The following BRAT1 variants were observed in gnomAD, a reference collection of about 807,000 sequenced individuals.
The protein encoded by BRAT1 is BRCA1 associated ATM activator 1, also known as integrator complex assembly factor BRAT1.
In BRAT1, 74 loss-of-function variants were observed where a neutral mutation model predicts 70.6. The ratio of observed to expected loss-of-function variants is 1.05; its 90% CI spans 0.87 to 1.27. The LOEUF is 1.27. Ranked by LOEUF, BRAT1 falls within the 50% of genes most tolerant of loss-of-function variation. The probability of loss-of-function intolerance (pLI) is 0.00; values close to 1 mark genes in which losing one functional copy is unlikely to be tolerated. For synonymous variants in BRAT1, 615 were observed against 517.1 expected, an observed-to-expected ratio of 1.19 and a Z score of -2.57; for missense variants, 1,203 against 1,098.2, an observed-to-expected ratio of 1.10 and a Z score of -1.35.
rs753804645 is a variant in BRAT1 at position 2,544,875 on chromosome 7, G to A, written c.430+34C>T. On this transcript the variant is annotated intron_variant, in intron 4 of 13. Coordinates refer to ENST00000340611, the MANE Select transcript of BRAT1 (RefSeq NM_152743.4). ...GAATTCCCTGGGATCACACAGGCAG[G>A]ATGAGGAATGGGGTGGGGTGTGGGC... is the stretch of plus-strand genomic sequence containing the variant. The A allele has an allele frequency of 2.5e-5, 39 of 1,546,222 alleles. 1 individual carries two copies. In the Middle Eastern group the frequency reaches 5.4e-3, roughly 214 times the overall value.
rs1562568958 is a variant in BRAT1 at position 2,539,635 on chromosome 7, G to GAAC, written c.1503_1505dup (p.Leu501dup). ...GGCACAGGCGTTTCTGCAGCACAGG[G>GAAC]AACAGCTCTAGGGTGGGAAGGGACA... On this transcript the variant is annotated inframe_insertion, in exon 12 of 14. Coordinates refer to ENST00000340611, the MANE Select transcript of BRAT1 (RefSeq NM_152743.4). The GAAC allele has an allele frequency of 3.1e-6, 5 of 1,593,904 alleles. No homozygotes were observed. The South Asian group carries it at 5.7e-5, about 18-fold the overall frequency.
chr7:2,544,165 A>C (rs1054151517), intron 4 of BRAT1: 8 of 405,834 alleles, frequency 2.0e-5, no homozygotes, highest in Non-Finnish European at 3.5e-5. Flanking sequence ...AAACACACAC[A>C]GCTTGTGATG....
chr7:2,543,769 G>A lies in BRAT1; in HGVS notation c.624C>T (p.Ser208=), dbSNP rs369792998. The A allele has an allele frequency of 1.4e-5, 22 of 1,608,298 alleles. No individual in the cohort carries two copies. Among genetic ancestry groups the A allele is most frequent in the East Asian group, 4.5e-5 (2 of 44,728 alleles). The change falls in exon 5 of 14, where the codon TCC becomes TCT. Residue 208 remains serine (S), a synonymous_variant. Transcript: ENST00000340611. The surrounding 1 kb of genome is among the most constrained non-coding windows in gnomAD (Gnocchi z 5.5). ...CCTGAGTGACCTTGGGGGTGGCCGCGGAGCACAAGGACTCTTCAACGTGAT... is the reference window on the plus strand; with the variant it reads ...CCTGAGTGACCTTGGGGGTGGCCGCAGAGCACAAGGACTCTTCAACGTGAT... ...IMDHVEESLC[S]AATPKVTQAL... is the part of the protein sequence containing the mutation.
chr7:2,539,203 G>C lies in BRAT1; in HGVS notation c.1746C>G (p.Ser582Arg). Reference protein sequence around the residue: ...LSSQGLHAPTSPEHAEARQSL... With the variant: ...LSSQGLHAPTRPEHAEARQSL... ...CCTGCCGGGCCTCTGCATGCTCAGG[G>C]CTGGTGGGGGCGTGCAGGCCCTGGC... is the stretch of plus-strand genomic sequence containing the variant. Residue 582 changes from serine to arginine, a missense_variant, in exon 13 of 14, where the codon AGC becomes AGG. Ser to Arg is a moderately radical substitution (Grantham distance 110). Coordinates refer to ENST00000340611, the MANE Select transcript of BRAT1 (RefSeq NM_152743.4). 6.2e-7 allele frequency: 1 copy of C among 1,609,352 alleles called. No individual in the cohort carries two copies. The highest frequency in any genetic ancestry group is 8.5e-7 in the Non-Finnish European group (1 of 1,178,842).
At chr7:2,547,925 A>C (rs1299287258) in intron 2 of BRAT1, among the ~76,000 whole-genome samples, 1 of 152,104 alleles carries the variant, frequency 6.6e-6, no homozygotes. Flanking sequence ...TCTACTAAAA[A>C]TACAAAAAAT....
intron 1 of BRAT1, among the ~76,000 whole-genome samples, chr7:2,554,931 G>A (rs1405549533): frequency 6.6e-6 from 1 of 152,168 alleles, no homozygotes; most frequent in Non-Finnish European, 1.5e-5. Flanking sequence ...GCCAGCAGGG[G>A]GGTGCGGAGG....
intron 10 of BRAT1, 52 bp from the exon 11 acceptor site, chr7:2,539,940 G>A: frequency 1.5e-6 from 2 of 1,313,336 alleles, no homozygotes; most frequent in Non-Finnish European, 2.1e-6. Context: ...GGGGCAGGCT[G>A]TCTGTCTGTC....
At chr7:2,550,175 A>G (rs1055436635) in intron 2 of BRAT1, among the ~76,000 whole-genome samples, 3 of 63,344 alleles carry the variant, frequency 4.7e-5, no homozygotes, top group Non-Finnish European at 9.9e-5. Context: ...AAAAAAAAAG[A>G]AAAAAAAAAT....
At chr7:2,554,919 A>C (rs1372299660) in intron 1 of BRAT1, among the ~76,000 whole-genome samples, 1 of 151,716 alleles carries the variant, frequency 6.6e-6, no homozygotes, top group Non-Finnish European at 1.5e-5. Flanking sequence ...TGACGTCCTG[A>C]AGCCAGCAGG....
At chr7:2,552,855 A>T (rs954479256) in intron 2 of BRAT1, among the ~76,000 whole-genome samples, 1 of 150,900 alleles carries the variant, frequency 6.6e-6, no homozygotes, top group Non-Finnish European at 1.5e-5. Context: ...TCTCCTGCCC[A>T]GCCTCCCAAG....
chr7:2,540,954 T>C, intron 10 of BRAT1, 25 bp downstream of exon 10: 14 of 1,510,458 alleles, frequency 9.3e-6, no homozygotes, highest in African/African-American at 1.4e-5. Context: ...CCTCCTCTCC[T>C]CGCTCTCTAT....
Position 2,545,033 on chromosome 7 carries a change from G to T in BRAT1, c.306C>A (p.Leu102=). The T allele has an allele frequency of 6.6e-7, 1 of 1,519,140 alleles. No individual in the cohort carries two copies. Among genetic ancestry groups the T allele is most frequent in the Non-Finnish European group, 8.8e-7 (1 of 1,132,308 alleles). 94.1% of individuals were successfully genotyped at this position (1,519,140 alleles called of 1,614,324 possible). ...YLQQGELLPG[L]FGEPGPLGRA... is the part of the protein sequence containing the mutation. ...GGCCGAGGGGTCCTGGCTCCCCAAA[G>T]AGCCCTGGTAGTAACTCCCCCTGCT... The change falls in exon 4 of 14, where the codon CTC becomes CTA. Residue 102 remains leucine, a synonymous_variant. Transcript: ENST00000340611.
chr7:2,555,129 A>C (rs1048661672), intron 1 of BRAT1, among the ~76,000 whole-genome samples: 1 of 151,322 alleles, frequency 6.6e-6, no homozygotes, highest in African/African-American at 2.4e-5. Context: ...TGCGGAAAGG[A>C]AGGGGCGCCT....
rs148297849 is a variant in BRAT1, at chr7:2,538,674, G to A, written c.1861C>T (p.Arg621Trp). ...TGGGCCGCGTCGGCGTGGCCGTCCC[G>A]CAGCCACTCAGTGAAGACTTGCATG... ...AVMQVFTEWL[R>W]DGHADAAQDT... Residue 621 changes from arginine (R) to tryptophan (W), a missense_variant, in exon 14 of 14, where the codon CGG (arginine) becomes TGG (tryptophan). Arg to Trp is a moderately radical substitution (Grantham distance 101). Transcript: ENST00000340611. The A allele has an allele frequency of 5.0e-6, 8 of 1,598,136 alleles. No homozygotes were observed. Among genetic ancestry groups the A allele is most frequent in the South Asian group, 1.1e-5 (1 of 91,090 alleles).
chr7:2,555,055 G>C (rs898288871), intron 1 of BRAT1, among the ~76,000 whole-genome samples: 1 of 149,330 alleles, frequency 6.7e-6, no homozygotes, highest in East Asian at 2.0e-4. Context: ...CCGTGTGTCT[G>C]TCCCTCCCAG....
intron 2 of BRAT1, among the ~76,000 whole-genome samples, chr7:2,552,482 T>G (rs1780113446): frequency 2.0e-5 from 3 of 151,538 alleles, no homozygotes; most frequent in Admixed American, 6.6e-5. Context: ...TAAAAGGCAC[T>G]TTGGGAAGCA....
chr7:2,539,044 AGT>A, intron 13 of BRAT1, 133 bp downstream of exon 13: 1 of 1,452,982 alleles, frequency 6.9e-7, no homozygotes, highest in Non-Finnish European at 9.1e-7. Flanking sequence ...GGGCCTCGGC[AGT>A]CACTGCTGCA....
chr7:2,541,194 G>A (rs937988617), intron 9 of BRAT1, 104 bp downstream of exon 9: 2 of 581,724 alleles, frequency 3.4e-6, no homozygotes, highest in East Asian at 6.2e-5. Flanking sequence ...CCCCACCCCA[G>A]AGAAGAAACA....
intron 3 of BRAT1, among the ~76,000 whole-genome samples, chr7:2,546,455 C>T (rs1353573449): frequency 1.3e-5 from 2 of 150,484 alleles, no homozygotes; most frequent in African/African-American, 2.5e-5. Context: ...AAAAAAAGGC[C>T]GGGTATGGTG....
Sources: allele counts gnomAD v4.1 joint callset (sites outside exome capture counted in the v4.1 genomes callset), GRCh38; gene constraint gnomAD v4.1.1; non-coding constraint Gnocchi (gnomAD v3.1); transcripts MANE v1.5; gene names NCBI Gene and HGNC (gene_info 2026-07-23, HGNC 2026-07-21).